GSE1: variants seen among roughly 807,000 people sequenced by gnomAD.
GSE1 encodes Gse1 coiled-coil protein.
GSE1 carries 32 observed loss-of-function variants against 112.6 expected under a neutral mutation model. The observed-to-expected ratio is 0.28, with a 90% CI of 0.21 to 0.38. The LOEUF is 0.38. Among genes scored for constraint, GSE1 ranks in the 10% least tolerant of loss-of-function variants. The pLI is 1.00. For missense variants in GSE1, 2,348 were observed against 1,699.2 expected (o/e 1.38, Z -6.71); for synonymous variants, 1,115 against 735.6 (o/e 1.52, Z -8.35).
intron 2 of GSE1, among the ~76,000 whole-genome samples, chr16:85,382,138 G>A (rs913585448): frequency 6.6e-6 from 1 of 152,200 alleles, no homozygotes; most frequent in Non-Finnish European, 1.5e-5. Context: ...TCACCCCCAC[G>A]CAATGTGGTT....
intron 1 of GSE1, among the ~76,000 whole-genome samples, chr16:85,195,414 AG>A (rs1359696133): frequency 2.6e-5 from 4 of 152,156 alleles, no homozygotes; most frequent in Non-Finnish European, 4.4e-5. Context: ...CAGCTGTCAA[AG>A]GAGAGTTGGA....
At chr16:85,606,794 G>A (rs935479267), upstream of GSE1, among the ~76,000 whole-genome samples, 1 of 152,240 alleles carries the variant, frequency 6.6e-6, no homozygotes, top group African/African-American at 2.4e-5. Context: ...CTCCCAGACA[G>A]TAACAGGGCA....
chr16:85,321,973 G>T (rs376046463), intron 1 of GSE1, among the ~76,000 whole-genome samples: 2 of 152,140 alleles, frequency 1.3e-5, no homozygotes, highest in African/African-American at 4.8e-5. Context: ...CTTCCTGACC[G>T]CCAGGGCCGT....
chr16:85,568,817 C>T (rs989606850), intron 1 of GSE1, among the ~76,000 whole-genome samples: 7 of 152,154 alleles, frequency 4.6e-5, no homozygotes, highest in Non-Finnish European at 1.0e-4. Flanking sequence ...TTCTTGACCC[C>T]CTGGATCACC....
At chr16:85,413,224 G>A (rs1236277847) in intron 2 of GSE1, among the ~76,000 whole-genome samples, 1 of 152,238 alleles carries the variant, frequency 6.6e-6, no homozygotes, top group Admixed American at 6.5e-5. Context: ...TGAGGCAGCG[G>A]GGCTGAGGGA....
chr16:85,666,437 C>T (rs1351017917), intron 13 of GSE1, 90 bp downstream of exon 13: 11 of 1,274,096 alleles, frequency 8.6e-6, no homozygotes, highest in Admixed American at 4.0e-5. Flanking sequence ...GCCGTTCAGC[C>T]GTGGGCACAA....
intron 2 of GSE1, among the ~76,000 whole-genome samples, chr16:85,516,602 A>AAG: frequency 6.6e-6 from 1 of 151,520 alleles, no homozygotes; most frequent in Middle Eastern, 3.4e-3. Flanking sequence ...AAAAAAAAAA[A>AAG]AAAAGATTTA....
chr16:85,218,931 G>A (rs944149955), intron 1 of GSE1, among the ~76,000 whole-genome samples: 1 of 152,186 alleles, frequency 6.6e-6, no homozygotes. Flanking sequence ...CCAGGCTGGA[G>A]TGCAGTGGTG....
intron 1 of GSE1, among the ~76,000 whole-genome samples, chr16:85,312,637 T>C (rs951033297): frequency 1.4e-5 from 2 of 145,030 alleles, no homozygotes; most frequent in South Asian, 2.2e-4. Context: ...ATTCACAGGT[T>C]CCAGCAGGAC....
At chr16:85,279,082 G>C (rs1006586622) in intron 1 of GSE1, 31 of 152,248 alleles carry the variant, frequency 2.0e-4, no homozygotes, top group African/African-American at 5.8e-4. Context: ...CAACACCAGT[G>C]TCCTTCCCAG....
chr16:85,399,948 G>A (rs915066428), intron 2 of GSE1, among the ~76,000 whole-genome samples: 1 of 152,206 alleles, frequency 6.6e-6, no homozygotes, highest in African/African-American at 2.4e-5. Context: ...ACAGGGGGCT[G>A]TGCCCTGGAG....
rs566021361 is a variant in GSE1, at chr16:85,272,613, C to T, written c.2284-84850C>T. On this transcript the variant is annotated intron_variant, in intron 1 of 2. Transcript: ENST00000637419. ...GAGCTGGCCCTTTCTGGAGAAGCCA[C>T]GGGTGTGCGGGGAGCCTGGGCTGAC... 1.4e-4 allele frequency among the ~76,000 whole-genome samples: 22 copies of T among 152,102 alleles called. No homozygotes were observed. In the South Asian group the frequency reaches 4.6e-3, roughly 32 times the overall value.
rs557427934 is a variant in GSE1, at chr16:85,419,230, G to A, written c.2464+61587G>A. On this transcript the variant is annotated intron_variant, in intron 2 of 2. Transcript: ENST00000637419. The surrounding 1 kb of genome is among the most constrained non-coding windows in gnomAD (Gnocchi z 6.5). ...TGCAGGGACAGCAGTGAGGGTGCCC[G>A]GGCCCTGCCCTTACAAAAGGTTCAC... Among the ~76,000 whole-genome samples, 28 of 152,298 alleles carry A rather than the reference G, an allele frequency of 1.8e-4. No individual in the cohort carries two copies. In the South Asian group the frequency reaches 4.1e-3, roughly 23 times the overall value.
At chr16:85,579,738 G>T (rs570853316) in intron 1 of GSE1, among the ~76,000 whole-genome samples, 3 of 152,174 alleles carry the variant, frequency 2.0e-5, no homozygotes, top group Admixed American at 6.5e-5. Flanking sequence ...GTTCCTTTTC[G>T]GTCTGGGCCA....
At chr16:85,646,892 A>AGGGGG (rs55946477) in intron 2 of GSE1, among the ~76,000 whole-genome samples, 2 of 128,828 alleles carry the variant, frequency 1.6e-5, no homozygotes, top group Non-Finnish European at 3.4e-5. Context: ...CCCCACAACA[A>AGGGGG]GGGGGGGGGT....
At chr16:85,564,885 G>A (rs934446435) in intron 1 of GSE1, among the ~76,000 whole-genome samples, 3 of 152,214 alleles carry the variant, frequency 2.0e-5, no homozygotes, top group Non-Finnish European at 2.9e-5. Flanking sequence ...CCAGGCGTGC[G>A]GGAGTGTGGC....
chr16:85,579,645 T>C (rs540127271), intron 1 of GSE1, among the ~76,000 whole-genome samples: 109 of 152,290 alleles, frequency 7.2e-4, no homozygotes, highest in African/African-American at 2.4e-3. Flanking sequence ...CTTGTGTTTT[T>C]GGTGCGGCCT....
At chr16:85,647,588 C>G (rs2050979856) in intron 2 of GSE1, among the ~76,000 whole-genome samples, 1 of 152,116 alleles carries the variant, frequency 6.6e-6, no homozygotes, top group African/African-American at 2.4e-5. Context: ...GGGTGCTGAC[C>G]ACTTCTTTTT....
intron 3 of GSE1, among the ~76,000 whole-genome samples, chr16:85,653,120 G>A (rs1336089130): frequency 2.6e-4 from 38 of 145,092 alleles, no homozygotes; most frequent in African/African-American, 8.9e-4. Flanking sequence ...ACAGAGTGAC[G>A]CCTGGGTTGG....
Sources: allele counts gnomAD v4.1 joint callset (sites outside exome capture counted in the v4.1 genomes callset), GRCh38; gene constraint gnomAD v4.1.1; non-coding constraint Gnocchi (gnomAD v3.1); transcripts MANE v1.5; gene names NCBI Gene and HGNC (gene_info 2026-07-23, HGNC 2026-07-21).